GABRG2: variants seen among roughly 807,000 people sequenced by gnomAD.
GABRG2 encodes gamma-aminobutyric acid type A receptor subunit gamma2, also known as gamma-aminobutyric acid receptor subunit gamma-2.
GABRG2 carries 16 observed loss-of-function variants against 56.4 expected under a neutral mutation model. The observed-to-expected ratio is 0.28, with a 90% CI of 0.19 to 0.43. The LOEUF (loss-of-function observed/expected upper bound fraction) is 0.43. Among genes scored for constraint, GABRG2 ranks in the 20% least tolerant of loss-of-function variants. The pLI is 1.00. For synonymous variants in GABRG2, 208 were observed against 205.5 expected, an observed-to-expected ratio of 1.01 and a Z score of -0.10; for missense variants, 327 against 582.7, an observed-to-expected ratio of 0.56 and a Z score of 4.52.
intron 4 of GABRG2, 117 bp downstream of exon 4, chr5:162,097,975 AG>A: frequency 3.4e-6 from 3 of 875,360 alleles, no homozygotes; most frequent in Non-Finnish European, 5.5e-6. Flanking sequence ...AGACTGCATC[AG>A]GGTTGGCATG....
At chr5:162,148,670 C>T (rs1306989694) in intron 7 of GABRG2, among the ~76,000 whole-genome samples, 1 of 152,138 alleles carries the variant, frequency 6.6e-6, no homozygotes, top group Non-Finnish European at 1.5e-5. Context: ...AGAACCCTCC[C>T]TTAATTTAAT....
intron 4 of GABRG2, chr5:162,099,254 G>C (rs1761230194): frequency 2.0e-5 from 3 of 151,814 alleles, no homozygotes; most frequent in Admixed American, 6.6e-5. Context: ...AGTAATGACT[G>C]AGTTTATTTT....
At chr5:162,142,021 C>A (rs753166210) in intron 6 of GABRG2, 143 bp from the exon 7 acceptor site, 3 of 1,049,670 alleles carry the variant, frequency 2.9e-6, no homozygotes, top group Non-Finnish European at 4.4e-6. Context: ...TTAACCCAAG[C>A]GGGCAAAAAT....
At chr5:162,150,197 A>C (rs1393243617) in intron 8 of GABRG2, 1 of 152,316 alleles carries the variant, frequency 6.6e-6, no homozygotes, top group African/African-American at 2.4e-5. Flanking sequence ...GTATTATTTA[A>C]AAACACTTGT....
intron 6 of GABRG2, among the ~76,000 whole-genome samples, chr5:162,114,963 T>A (rs1762516042): frequency 6.6e-6 from 1 of 152,220 alleles, no homozygotes; most frequent in Admixed American, 6.6e-5. Flanking sequence ...GTTGTCGTTT[T>A]GCTTTGTTGC....
At chr5:162,116,337 T>C (rs1762625424) in intron 6 of GABRG2, among the ~76,000 whole-genome samples, 1 of 151,862 alleles carries the variant, frequency 6.6e-6, no homozygotes, top group Non-Finnish European at 1.5e-5. Flanking sequence ...ATCTAGACAA[T>C]GCTATGGTAA....
Position 162,153,470 on chromosome 5 carries a change from T to A in GABRG2, c.*102T>A. On this transcript the variant is annotated 3_prime_UTR_variant, in exon 10 of 10. Coordinates refer to ENST00000639213, the MANE Select transcript of GABRG2 (RefSeq NM_198904.4). ...TAATCCTCTATGTGGTTGATAATGATCTGAATCTGTTTCTATGTCCAAACC... is the reference window on the plus strand; with the variant it reads ...TAATCCTCTATGTGGTTGATAATGAACTGAATCTGTTTCTATGTCCAAACC... 2.2e-6 allele frequency: 3 copies of A among 1,355,392 alleles called. No homozygotes were observed. Among genetic ancestry groups the A allele is most frequent in the Non-Finnish European group, 3.2e-6 (3 of 949,698 alleles). 84.0% of individuals were successfully genotyped at this position (1,355,392 alleles called of 1,614,324 possible).
intron 6 of GABRG2, among the ~76,000 whole-genome samples, chr5:162,118,251 T>A (rs1448246721): frequency 6.7e-6 from 1 of 149,366 alleles, no homozygotes; most frequent in Non-Finnish European, 1.5e-5. Context: ...GTAATAAACA[T>A]AATAAAAACA....
intron 1 of GABRG2, among the ~76,000 whole-genome samples, chr5:162,080,112 T>A (rs979935601): frequency 6.6e-6 from 1 of 152,190 alleles, no homozygotes; most frequent in African/African-American, 2.4e-5. Context: ...CTACTTCCTG[T>A]CTTCCTGTCT....
chr5:162,101,363 C>G, intron 5 of GABRG2, 46 bp downstream of exon 5: 1 of 1,223,808 alleles, frequency 8.2e-7, no homozygotes, highest in Non-Finnish European at 1.2e-6. Flanking sequence ...CACCTACAGT[C>G]TTTCTGATTG....
chr5:162,138,788 A>G (rs1321673977), intron 6 of GABRG2, among the ~76,000 whole-genome samples: 2 of 152,206 alleles, frequency 1.3e-5, no homozygotes, highest in African/African-American at 4.8e-5. Context: ...CAGATAATAT[A>G]TGCAAACCAT....
chr5:162,098,211 G>A (rs1020598685), intron 4 of GABRG2: 1 of 268,380 alleles, frequency 3.7e-6, no homozygotes, highest in African/African-American at 2.3e-5. Flanking sequence ...CAAGGAAATA[G>A]TTGCTAAAAG....
chr5:162,097,948 A>AG (rs1352970404), intron 4 of GABRG2, 90 bp downstream of exon 4: 3 of 1,137,128 alleles, frequency 2.6e-6, no homozygotes, highest in Non-Finnish European at 3.9e-6. Context: ...GAAAAAAAAA[A>AG]AAGGAAATAA....
At chr5:162,108,062 T>C (rs1304256054) in intron 6 of GABRG2, among the ~76,000 whole-genome samples, 1 of 152,210 alleles carries the variant, frequency 6.6e-6, no homozygotes, top group African/African-American at 2.4e-5. Flanking sequence ...ATCTGCTTTC[T>C]CATAACCATA....
At chr5:162,090,325 C>CACATACCATACA (rs1554097406) in intron 1 of GABRG2, among the ~76,000 whole-genome samples, 5 of 150,948 alleles carry the variant, frequency 3.3e-5, no homozygotes, top group East Asian at 2.0e-4. Context: ...CATACACATA[C>CACATACCATACA]CATACACATA....
chr5:162,072,514 T>A (rs1758753583), intron 1 of GABRG2, among the ~76,000 whole-genome samples: 1 of 152,094 alleles, frequency 6.6e-6, no homozygotes, highest in Admixed American at 6.6e-5. Flanking sequence ...TTGAGATGAA[T>A]ATTCCAGATG....
chr5:162,150,680 T>C (rs1255036938), intron 8 of GABRG2: 7 of 152,182 alleles, frequency 4.6e-5, no homozygotes, highest in Non-Finnish European at 7.3e-5. Context: ...GGTTGAATTG[T>C]AAGGAAGGAA....
intron 6 of GABRG2, among the ~76,000 whole-genome samples, chr5:162,114,845 A>T (rs747708965): frequency 5.3e-5 from 8 of 152,178 alleles, no homozygotes; most frequent in African/African-American, 1.9e-4. Flanking sequence ...AGTTCTATAT[A>T]TGGACATCTG....
chr5:162,143,840 A>G (rs534623402), intron 7 of GABRG2, among the ~76,000 whole-genome samples: 1 of 152,346 alleles, frequency 6.6e-6, no homozygotes, highest in East Asian at 1.9e-4. Context: ...TGGCTACTAT[A>G]GTCATTTTCT....
Sources: allele counts gnomAD v4.1 joint callset (sites outside exome capture counted in the v4.1 genomes callset), GRCh38; gene constraint gnomAD v4.1.1; transcripts MANE v1.5; gene names NCBI Gene and HGNC (gene_info 2026-07-23, HGNC 2026-07-21).